TMTC2: variants seen among roughly 807,000 people sequenced by gnomAD.
TMTC2 encodes protein O-mannosyl-transferase TMTC2.
Under a neutral mutation model 82.4 loss-of-function variants are expected in TMTC2, and 43 were observed. The observed-to-expected ratio is 0.52, with a 90% CI of 0.41 to 0.67. TMTC2 has a LOEUF of 0.67. TMTC2 is among the 30% of genes least tolerant of loss of function. TMTC2 has a pLI of 0.00. For missense variants in TMTC2, 919 were observed against 1,012.4 expected (o/e 0.91, Z 1.25); for synonymous variants, 408 against 381.9 (o/e 1.07, Z -0.80).
chr12:82,739,168 G>A (rs1053071806), intron 1 of TMTC2, among the ~76,000 whole-genome samples: 1 of 148,762 alleles, frequency 6.7e-6, no homozygotes, highest in African/African-American at 2.5e-5. Flanking sequence ...AAAAAAAGAG[G>A]ATACATAGAA....
At chr12:82,742,608 C>G (rs1875471934) in intron 1 of TMTC2, among the ~76,000 whole-genome samples, 1 of 151,964 alleles carries the variant, frequency 6.6e-6, no homozygotes, top group African/African-American at 2.4e-5. Flanking sequence ...CAACCTCCGC[C>G]TCTCGGGTTC....
intron 1 of TMTC2, among the ~76,000 whole-genome samples, chr12:82,845,433 T>A (rs909796990): frequency 4.0e-5 from 6 of 151,592 alleles, no homozygotes; most frequent in Non-Finnish European, 1.5e-5. Context: ...ATAAATTATG[T>A]AAACAAATGG....
At chr12:82,915,396 A>G (rs1432551613) in intron 3 of TMTC2, among the ~76,000 whole-genome samples, 1 of 152,194 alleles carries the variant, frequency 6.6e-6, no homozygotes. Context: ...TAGAAGAGTT[A>G]AGTAATTTAC....
chr12:82,943,653 A>C (rs184098207), intron 4 of TMTC2, among the ~76,000 whole-genome samples: 26 of 152,322 alleles, frequency 1.7e-4, no homozygotes, highest in African/African-American at 5.5e-4. Context: ...TTCAGACATC[A>C]CTAGTTTTCA....
At chr12:82,713,355 C>T (rs768381471) in intron 1 of TMTC2, among the ~76,000 whole-genome samples, 16 of 151,658 alleles carry the variant, frequency 1.1e-4, no homozygotes, top group Non-Finnish European at 2.1e-4. Context: ...AAACAAAAAC[C>T]GAGAAAGAGA....
At chr12:82,912,774 C>CA (rs1038487893) in intron 3 of TMTC2, among the ~76,000 whole-genome samples, 5 of 151,894 alleles carry the variant, frequency 3.3e-5, no homozygotes, top group African/African-American at 7.2e-5. Flanking sequence ...CCTGTCTCCA[C>CA]AAAAAATTCA....
chr12:83,014,899 T>C (rs1565853426), intron 8 of TMTC2, among the ~76,000 whole-genome samples: 1 of 152,218 alleles, frequency 6.6e-6, no homozygotes, highest in East Asian at 1.9e-4. Flanking sequence ...GTCAGAGCTT[T>C]ACGTGTGCTA....
chr12:82,871,381 C>G (rs1188015091), intron 2 of TMTC2, among the ~76,000 whole-genome samples: 1 of 138,526 alleles, frequency 7.2e-6, no homozygotes, highest in East Asian at 2.1e-4. Context: ...TTTTTTTTCA[C>G]ATTACTTGGC....
chr12:82,769,244 G>A (rs11115389), intron 1 of TMTC2, among the ~76,000 whole-genome samples: 24,925 of 151,748 alleles, frequency 0.16, 2,560 homozygotes, highest in African/African-American at 0.28. Context: ...AGGCCGAGGC[G>A]GGTGAAACAC....
chr12:82,833,849 C>G (rs1484356641), intron 1 of TMTC2, among the ~76,000 whole-genome samples: 1 of 152,108 alleles, frequency 6.6e-6, no homozygotes, highest in Non-Finnish European at 1.5e-5. Flanking sequence ...ATGGTCTTCT[C>G]TTAAACAAAA....
intron 2 of TMTC2, among the ~76,000 whole-genome samples, chr12:82,861,552 G>A (rs1871552005): frequency 1.3e-5 from 2 of 152,174 alleles, no homozygotes; most frequent in South Asian, 4.1e-4. Flanking sequence ...AAATATATGG[G>A]AAATAGTAAG....
At chr12:83,032,257 T>TTA (rs57604518) in intron 9 of TMTC2, among the ~76,000 whole-genome samples, 2,779 of 130,246 alleles carry the variant, frequency 0.021, 45 homozygotes, top group East Asian at 0.03. Flanking sequence ...AGAGAATATT[T>TTA]TATATATATA....
At chr12:82,927,664 C>T (rs1358820583) in intron 3 of TMTC2, among the ~76,000 whole-genome samples, 4 of 152,148 alleles carry the variant, frequency 2.6e-5, no homozygotes, top group African/African-American at 7.2e-5. Context: ...ATATGGCAGA[C>T]TTTATGTTGT....
At chr12:83,068,198 G>A (rs1302148467) in intron 11 of TMTC2, among the ~76,000 whole-genome samples, 1 of 152,062 alleles carries the variant, frequency 6.6e-6, no homozygotes, top group Non-Finnish European at 1.5e-5. Context: ...TATGGTAGTA[G>A]GGGAATGACT....
rs137871991 is a variant in TMTC2, at chr12:83,066,408, A to G, written c.2331+4577A>G. 3.9e-3 allele frequency among the ~76,000 whole-genome samples: 587 copies of G among 152,114 alleles called. 4 individuals are homozygous for G. The highest frequency in any genetic ancestry group is 8.3e-3 in the Admixed American group (127 of 15,252). On this transcript the variant is annotated intron_variant, in intron 11 of 11. Coordinates refer to ENST00000321196, the MANE Select transcript of TMTC2 (RefSeq NM_152588.3). ...GGGAGGGTATGGAAAGGAAGGGTAT[A>G]GGGGAAGATAGAAATGGAAACTAGC...
intron 1 of TMTC2, among the ~76,000 whole-genome samples, chr12:82,785,515 T>C (rs1276703919): frequency 1.3e-5 from 2 of 152,090 alleles, no homozygotes; most frequent in Non-Finnish European, 2.9e-5. Flanking sequence ...AGTAAAGCTC[T>C]TTGTTTTCAA....
chr12:83,086,135 C>T (rs1254977200), intron 11 of TMTC2, among the ~76,000 whole-genome samples: 4 of 151,888 alleles, frequency 2.6e-5, no homozygotes, highest in African/African-American at 9.7e-5. Context: ...AGAAAAATCA[C>T]ACACAAGGCT....
At chr12:82,729,166 G>T (rs1192613457) in intron 1 of TMTC2, among the ~76,000 whole-genome samples, 1 of 152,222 alleles carries the variant, frequency 6.6e-6, no homozygotes, top group Non-Finnish European at 1.5e-5. Flanking sequence ...GGATCCACTG[G>T]GTGAAGCCAG....
At chr12:83,077,696 T>C (rs767537108) in intron 11 of TMTC2, among the ~76,000 whole-genome samples, 9 of 151,988 alleles carry the variant, frequency 5.9e-5, no homozygotes, top group Non-Finnish European at 1.2e-4. Flanking sequence ...TGCCTCAGCC[T>C]CCCAAGCAGC....
Sources: gnomAD v4.1 joint callset for allele counts (sites outside exome capture counted in the v4.1 genomes callset) on GRCh38, gnomAD v4.1.1 for gene constraint, MANE v1.5 for transcripts, NCBI Gene and HGNC (gene_info 2026-07-23, HGNC 2026-07-21) for gene names.